The following SRGAP3 variants were observed in gnomAD, a reference collection of about 807,000 sequenced individuals.
SRGAP3 encodes the protein SLIT-ROBO Rho GTPase activating protein 3, also known as SLIT-ROBO Rho GTPase-activating protein 3.
Under a neutral mutation model 121.1 loss-of-function variants are expected in SRGAP3, and 39 were observed. The observed-to-expected ratio is 0.32, with a 90% CI of 0.25 to 0.42. SRGAP3 has a LOEUF of 0.42. Ranked by LOEUF, SRGAP3 falls within the 10% of genes least tolerant of loss-of-function variation. SRGAP3 has a pLI of 1.00. For synonymous variants in SRGAP3, 601 were observed against 570.0 expected (o/e 1.05, Z -0.77); for missense variants, 1,213 against 1,470.6 (o/e 0.82, Z 2.86).
upstream of SRGAP3, among the ~76,000 whole-genome samples, chr3:9,253,221 G>A (rs557732760): frequency 8.5e-5 from 13 of 152,316 alleles, no homozygotes; most frequent in South Asian, 1.2e-3. Flanking sequence ...GGCTCATAGC[G>A]GAGCCCAAGG....
chr3:9,221,388 G>T (rs1952806017), intron 1 of SRGAP3, among the ~76,000 whole-genome samples: 1 of 151,988 alleles, frequency 6.6e-6, no homozygotes, highest in Non-Finnish European at 1.5e-5. Flanking sequence ...TTAAAAGTTA[G>T]CCAGGCCTGG....
rs1037887456 is a variant in SRGAP3 at position 9,356,374 on chromosome 3, T to C, written n.214+6466A>G. Reference sequence around the variant, plus strand: ...GGCCAGCTAATTTTTTTTTTTTTTTTTTTTTTTTTTTTTTTTGAGACAGAG... The same window carrying C: ...GGCCAGCTAATTTTTTTTTTTTTTTCTTTTTTTTTTTTTTTTGAGACAGAG... On this transcript the variant is annotated intron_variant and non_coding_transcript_variant, in intron 1 of 3. Transcript: ENST00000490889. Among the ~76,000 whole-genome samples, 21 of 123,884 alleles carry C rather than the reference T, an allele frequency of 1.7e-4. No individual in the cohort carries two copies. In the South Asian group the frequency reaches 6.1e-3, roughly 36 times the overall value. The allele number at this position is 123,884 out of a possible 152,430, so 81.3% of individuals were successfully genotyped here. A position where few individuals can be genotyped will look rare whatever the true frequency, so the allele number is the denominator to read the frequency against.
At chr3:9,007,505 A>T (rs902719932) in intron 18 of SRGAP3, 1 of 152,186 alleles carries the variant, frequency 6.6e-6, no homozygotes. Context: ...AGGTAAACAA[A>T]TCAGGAGGTT....
chr3:9,320,630 A>G (rs1352263444), intron 3 of SRGAP3, among the ~76,000 whole-genome samples: 1 of 151,948 alleles, frequency 6.6e-6, no homozygotes, highest in Non-Finnish European at 1.5e-5. Flanking sequence ...CCATGAGCCA[A>G]TTAAACCTCT....
chr3:9,284,399 T>C (rs1380776196), intron 3 of SRGAP3, among the ~76,000 whole-genome samples: 1 of 152,226 alleles, frequency 6.6e-6, no homozygotes, highest in Non-Finnish European at 1.5e-5. Flanking sequence ...TGGCAAAGAA[T>C]ACAATGACTA....
chr3:9,232,166 T>C (rs1421547190), intron 1 of SRGAP3, among the ~76,000 whole-genome samples: 1 of 152,226 alleles, frequency 6.6e-6, no homozygotes, highest in African/African-American at 2.4e-5. Context: ...AGCACCACAG[T>C]AAGTTCAGCA....
At chr3:9,149,404 G>A (rs1344822659) in intron 1 of SRGAP3, among the ~76,000 whole-genome samples, 1 of 152,068 alleles carries the variant, frequency 6.6e-6, no homozygotes, top group African/African-American at 2.4e-5. Context: ...TGCATTAATA[G>A]CCCCACTTCT....
intron 14 of SRGAP3, among the ~76,000 whole-genome samples, chr3:9,022,864 C>G (rs1049013992): frequency 6.6e-6 from 1 of 152,126 alleles, no homozygotes; most frequent in Non-Finnish European, 1.5e-5. Context: ...ATATTTTTTG[C>G]AGCTGAGATT....
chr3:9,018,406 T>G (rs538331152), intron 14 of SRGAP3, among the ~76,000 whole-genome samples: 34 of 152,276 alleles, frequency 2.2e-4, no homozygotes, highest in African/African-American at 6.5e-4. Context: ...GTAGTTCTAT[T>G]TTTAGTTTTT....
intron 2 of SRGAP3, among the ~76,000 whole-genome samples, chr3:9,119,339 T>TG (rs1377630922): frequency 1.3e-5 from 2 of 152,106 alleles, no homozygotes; most frequent in African/African-American, 4.8e-5. Context: ...TGCCCATGAG[T>TG]GGGCTCCTCG....
At chr3:9,132,626 C>T (rs373869208) in intron 1 of SRGAP3, among the ~76,000 whole-genome samples, 13 of 152,192 alleles carry the variant, frequency 8.5e-5, no homozygotes, top group East Asian at 3.9e-4. Context: ...TTCTGTGCTA[C>T]GGAATAATGT....
intron 3 of SRGAP3, among the ~76,000 whole-genome samples, chr3:9,303,085 T>G (rs1229975294): frequency 6.8e-6 from 1 of 146,998 alleles, no homozygotes; most frequent in Non-Finnish European, 1.5e-5. Flanking sequence ...ACTTATATTT[T>G]TTCCTTTACA....
intron 2 of SRGAP3, among the ~76,000 whole-genome samples, chr3:9,123,065 G>T (rs1469411543): frequency 6.6e-6 from 1 of 152,172 alleles, no homozygotes; most frequent in Non-Finnish European, 1.5e-5. Context: ...TATGCTAAGT[G>T]AAACTAGCCA....
chr3:9,195,077 G>A (rs556598872), intron 1 of SRGAP3, among the ~76,000 whole-genome samples: 24 of 152,334 alleles, frequency 1.6e-4, no homozygotes, highest in African/African-American at 5.5e-4. Context: ...CACCATGGCC[G>A]ACTCCAAGCT....
chr3:9,160,353 A>G (rs1170033444), intron 1 of SRGAP3, among the ~76,000 whole-genome samples: 1 of 152,200 alleles, frequency 6.6e-6, no homozygotes, highest in Non-Finnish European at 1.5e-5. Flanking sequence ...AGCCTAGGTC[A>G]TACAAGGCAT....
intron 3 of SRGAP3, among the ~76,000 whole-genome samples, chr3:9,324,839 C>T (rs1488858480): frequency 2.0e-5 from 3 of 151,732 alleles, no homozygotes; most frequent in South Asian, 2.1e-4. Flanking sequence ...CACCTGTAGT[C>T]CCAGCTACTT....
chr3:8,998,202 G>A (rs1048230084), intron 18 of SRGAP3, among the ~76,000 whole-genome samples: 2 of 152,176 alleles, frequency 1.3e-5, no homozygotes, highest in South Asian at 4.1e-4. Context: ...GAGCCTTCTT[G>A]ATGCTTTTAA....
At chr3:9,209,158 G>A (rs1952358665) in intron 1 of SRGAP3, among the ~76,000 whole-genome samples, 1 of 152,196 alleles carries the variant, frequency 6.6e-6, no homozygotes, top group South Asian at 2.1e-4. Flanking sequence ...ATTATAAATA[G>A]CTAAGTGATA....
chr3:9,183,378 G>C (rs143775704), intron 1 of SRGAP3, among the ~76,000 whole-genome samples: 2 of 152,162 alleles, frequency 1.3e-5, no homozygotes, highest in Non-Finnish European at 2.9e-5. Context: ...AGAGATGCAA[G>C]AATTAAATGA....
Sources: allele counts gnomAD v4.1 joint callset (sites outside exome capture counted in the v4.1 genomes callset), GRCh38; gene constraint gnomAD v4.1.1; transcripts MANE v1.5; gene names NCBI Gene and HGNC (gene_info 2026-07-23, HGNC 2026-07-21).